The following ZNF528 variants were observed in gnomAD, a reference collection of about 807,000 sequenced individuals.
ZNF528 encodes the protein zinc finger protein 528.
ZNF528 carries 9 observed loss-of-function variants against 13.3 expected under a neutral mutation model. That is an observed-to-expected ratio of 0.67 (90% CI 0.41 to 1.18). ZNF528 has a LOEUF of 1.18. Ranked by LOEUF, ZNF528 falls within the 50% of genes most tolerant of loss-of-function variation. The pLI is 0.01. For synonymous variants in ZNF528, 264 were observed against 254.3 expected, an observed-to-expected ratio of 1.04 and a Z score of -0.36; for missense variants, 858 against 745.4, an observed-to-expected ratio of 1.15 and a Z score of -1.76.
chr19:52,414,253 G>T, intron 6 of ZNF528: 2 of 702,506 alleles, frequency 2.8e-6, no homozygotes, highest in Non-Finnish European at 2.6e-6. Context: ...AAAGTCCTAT[G>T]TTCGGAGGCC....
In ZNF528 at chr19:52,415,399, G is replaced by C. The variant is rs773393696; in HGVS notation, c.547G>C (p.Glu183Gln). The C allele has an allele frequency of 1.2e-6, 2 of 1,614,108 alleles. No individual in the cohort carries two copies. The highest frequency in any genetic ancestry group is 1.7e-6 in the Non-Finnish European group (2 of 1,180,030). Residue 183 changes from glutamate to glutamine, a missense_variant, in exon 7 of 7, where the codon GAA (glutamate) becomes CAA (glutamine). Glu to Gln is a conservative substitution (Grantham distance 29). Coordinates refer to ENST00000360465, the MANE Select transcript of ZNF528 (RefSeq NM_032423.3). ...ACAAGAACAGAAAGCACACATTAGG[G>C]AAAAAGCTTATAAATGTAATGAGCA... ...LPQEQKAHIR[E>Q]KAYKCNEHGQ...
chr19:52,405,825 T>A (rs1055541078), intron 4 of ZNF528, 82 bp from the exon 5 acceptor site: 33 of 1,565,258 alleles, frequency 2.1e-5, no homozygotes, highest in Middle Eastern at 2.1e-4. Context: ...GTGGAGTCAG[T>A]CCTTAACGAC....
intron 4 of ZNF528, among the ~76,000 whole-genome samples, chr19:52,404,179 C>G (rs1215226077): frequency 6.6e-6 from 1 of 152,114 alleles, no homozygotes. Context: ...TCCTAGAATA[C>G]ATGTGAAAGA....
chr19:52,407,237 C>T (rs577391499), intron 6 of ZNF528, among the ~76,000 whole-genome samples: 3 of 152,084 alleles, frequency 2.0e-5, no homozygotes, highest in Admixed American at 2.0e-4. Flanking sequence ...TTCCTGGGCT[C>T]AAGTGATTCT....
Position 52,415,365 on chromosome 19 carries a change from A to G in ZNF528, c.513A>G (p.Pro171=), listed in dbSNP as rs1337926249. The part of the protein sequence containing the change: ...NKYRNNFDHA[P]LLPQEQKAHI... ...ATAGAAATAATTTTGATCATGCTCC[A>G]TTACTTCCACAAGAACAGAAAGCAC... is the stretch of plus-strand genomic sequence containing the variant. The change falls in exon 7 of 7, where the codon CCA becomes CCG. Residue 171 remains proline, a synonymous_variant. Transcript: ENST00000360465. 1 of 1,613,472 alleles carries G rather than the reference A, an allele frequency of 6.2e-7. No individual in the cohort carries two copies. Among genetic ancestry groups the G allele is most frequent in the East Asian group, 2.2e-5 (1 of 44,890 alleles).
intron 2 of ZNF528, among the ~76,000 whole-genome samples, chr19:52,401,478 A>C (rs931441238): frequency 6.6e-6 from 1 of 152,188 alleles, no homozygotes; most frequent in African/African-American, 2.4e-5. Context: ...TGAAGAGCTC[A>C]GCCCTGCCTG....
chr19:52,406,495 ATTC>A lies in ZNF528; in HGVS notation c.143-17_143-15del. ...TTGGGAGATGCCACAGCACACATTT[ATTC>A]TTTCTTTTATAAATAGGAATCTGTC... On this transcript the variant is annotated splice_polypyrimidine_tract_variant and intron_variant, in intron 5 of 6. Transcript: ENST00000360465. 1 of 1,611,080 alleles carries A rather than the reference ATTC, an allele frequency of 6.2e-7. No homozygotes were observed. The highest frequency in any genetic ancestry group is 8.5e-7 in the Non-Finnish European group (1 of 1,179,280).
At chr19:52,400,371 A>G (rs1023188917) in intron 2 of ZNF528, among the ~76,000 whole-genome samples, 2 of 152,124 alleles carry the variant, frequency 1.3e-5, no homozygotes, top group African/African-American at 2.4e-5. Context: ...TAAGAGCACA[A>G]TATACCAAAA....
At chr19:52,404,646 G>T (rs1249885815) in intron 4 of ZNF528, among the ~76,000 whole-genome samples, 1 of 151,688 alleles carries the variant, frequency 6.6e-6, no homozygotes, top group African/African-American at 2.4e-5. Flanking sequence ...GCCCAGGCTG[G>T]AGTGCAGTGG....
At chr19:52,410,115 T>C (rs2058911858) in intron 6 of ZNF528, among the ~76,000 whole-genome samples, 1 of 152,204 alleles carries the variant, frequency 6.6e-6, no homozygotes, top group Non-Finnish European at 1.5e-5. Context: ...CCAGTTCTTT[T>C]ACATAAGAAC....
intron 4 of ZNF528, 46 bp from the exon 5 acceptor site, chr19:52,405,861 A>G: frequency 6.3e-7 from 1 of 1,599,118 alleles, no homozygotes; most frequent in Non-Finnish European, 8.5e-7. Flanking sequence ...TGTGACGATG[A>G]GTACTGTGTG....
At chr19:52,412,079 C>G (rs572043063) in intron 6 of ZNF528, 1 of 152,212 alleles carries the variant, frequency 6.6e-6, no homozygotes, top group African/African-American at 2.4e-5. Flanking sequence ...AATTTCTTTC[C>G]TTTAATTAGT....
chr19:52,415,879 C>T lies in ZNF528; in HGVS notation c.1027C>T (p.His343Tyr). The change falls in exon 7 of 7, where the codon CAT becomes TAT. Residue 343 changes from histidine to tyrosine, a missense_variant. Coordinates refer to ENST00000360465, the MANE Select transcript of ZNF528 (RefSeq NM_032423.3). ...VFSRHSYLAE[H>Y]QTVHTGEKPY... ...TAGTCGCCATTCATATCTAGCAGAA[C>T]ATCAAACGGTTCATACTGGTGAGAA... 1 of 1,613,950 alleles carries T rather than the reference C, an allele frequency of 6.2e-7. No homozygotes were observed. Among genetic ancestry groups the T allele is most frequent in the Non-Finnish European group, 8.5e-7 (1 of 1,179,980 alleles).
Position 52,416,839 on chromosome 19 carries a change from A to G in ZNF528, c.*100A>G, listed in dbSNP as rs147487599. ...AGTGGAAATCATATAAATGAAATGT[A>G]TGTGACACAGGCTTTATCAAGGCCT... On this transcript the variant is annotated 3_prime_UTR_variant, in exon 7 of 7. Coordinates refer to ENST00000360465, the MANE Select transcript of ZNF528 (RefSeq NM_032423.3). 54 of 1,273,230 alleles carry G rather than the reference A, an allele frequency of 4.2e-5. No individual in the cohort carries two copies. The highest frequency in any genetic ancestry group is 1.7e-4 in the Admixed American group (6 of 36,062). 78.9% of individuals were successfully genotyped at this position (1,273,230 alleles called of 1,614,324 possible). A position where few individuals can be genotyped will look rare whatever the true frequency, so the allele number is the denominator to read the frequency against.
chr19:52,418,268 C>A lies in ZNF528; in HGVS notation c.*1529C>A, dbSNP rs2059023900. ...AAAGTGCTAGGATTACAGGCGTGAG[C>A]CACCACACCTGGCCAGCTCAGCATA... On this transcript the variant is annotated 3_prime_UTR_variant, in exon 7 of 7. Coordinates refer to ENST00000360465, the MANE Select transcript of ZNF528 (RefSeq NM_032423.3). 6.6e-6 allele frequency: 1 copy of A among 152,228 alleles called. No homozygotes were observed. Among genetic ancestry groups the A allele is most frequent in the African/African-American group, 2.4e-5 (1 of 41,450 alleles). The allele number at this position is 152,228 out of a possible 1,614,324, so 9.4% of individuals were successfully genotyped here.
intron 6 of ZNF528, chr19:52,406,950 A>G (rs761242238): frequency 7.4e-5 from 27 of 363,236 alleles, no homozygotes; most frequent in Non-Finnish European, 1.2e-4. Context: ...TTATTTTCCT[A>G]TTTATTTTTT....
rs750715405 is a variant in ZNF528 at position 52,405,512 on chromosome 19, CAG to C, written c.16-392_16-391del. Among the ~76,000 whole-genome samples, 476 of 152,146 alleles carry C rather than the reference CAG, an allele frequency of 3.1e-3. 2 individuals are homozygous for C. The Middle Eastern group carries it at 0.037, about 12-fold the overall frequency. ...TGGCACTGCACTCCAGTCTGGGTGA[CAG>C]AGTGATACCCTGTCTCAAAAAAAAG... On this transcript the variant is annotated intron_variant, in intron 4 of 6. Coordinates refer to ENST00000360465, the MANE Select transcript of ZNF528 (RefSeq NM_032423.3).
chr19:52,409,561 A>G (rs2058903297), intron 6 of ZNF528, among the ~76,000 whole-genome samples: 1 of 152,266 alleles, frequency 6.6e-6, no homozygotes, highest in East Asian at 1.9e-4. Context: ...CAAAATTTGT[A>G]AAGTAATCAG....
intron 2 of ZNF528, among the ~76,000 whole-genome samples, chr19:52,399,290 T>C (rs192669486): frequency 5.9e-5 from 9 of 152,322 alleles, no homozygotes; most frequent in Admixed American, 5.2e-4. Flanking sequence ...TTGTGACATA[T>C]TAATTTTTCT....
Sources: allele counts gnomAD v4.1 joint callset (sites outside exome capture counted in the v4.1 genomes callset), GRCh38; gene constraint gnomAD v4.1.1; transcripts MANE v1.5; gene names NCBI Gene and HGNC (gene_info 2026-07-23, HGNC 2026-07-21).